ITPKB: variants seen among roughly 807,000 people sequenced by gnomAD.
The protein encoded by ITPKB is IP3 3-kinase B.
ITPKB carries 13 observed loss-of-function variants against 69.4 expected under a neutral mutation model. The ratio of observed to expected loss-of-function variants is 0.19; its 90% CI spans 0.12 to 0.30. ITPKB has a LOEUF of 0.30. Ranked by LOEUF, ITPKB falls within the 10% of genes least tolerant of loss-of-function variation. ITPKB has a pLI of 1.00. For synonymous variants in ITPKB, 584 were observed against 513.7 expected (o/e 1.14, Z -1.85); for missense variants, 1,240 against 1,250.5 (o/e 0.99, Z 0.13).
chr1:226,702,459 G>A (rs952322770), intron 2 of ITPKB, among the ~76,000 whole-genome samples: 1 of 151,910 alleles, frequency 6.6e-6, no homozygotes, highest in African/African-American at 2.4e-5. Context: ...TCATGGTGAG[G>A]TACAGAAAAA....
chr1:226,725,254 C>T (rs1428304218), intron 2 of ITPKB, among the ~76,000 whole-genome samples: 2 of 152,224 alleles, frequency 1.3e-5, no homozygotes, highest in African/African-American at 4.8e-5. Flanking sequence ...TTAAGCCGTT[C>T]TTCTCAGCAC....
intron 2 of ITPKB, among the ~76,000 whole-genome samples, chr1:226,666,969 A>AC (rs1194459069): frequency 2.0e-5 from 3 of 152,154 alleles, no homozygotes; most frequent in Non-Finnish European, 4.4e-5. Flanking sequence ...AACACACACC[A>AC]CACTGCTTCA....
chr1:226,658,737 C>T (rs565553139), intron 2 of ITPKB, among the ~76,000 whole-genome samples: 1 of 152,196 alleles, frequency 6.6e-6, no homozygotes. Context: ...TTCTTCTCCC[C>T]CGCCCTTTAT....
intron 2 of ITPKB, among the ~76,000 whole-genome samples, chr1:226,706,225 C>G (rs1656798804): frequency 6.6e-6 from 1 of 152,188 alleles, no homozygotes; most frequent in Admixed American, 6.5e-5. Context: ...AACGTGGTAC[C>G]ACAAGTTGAA....
At chr1:226,639,111 G>A (rs1398792427) in intron 6 of ITPKB, among the ~76,000 whole-genome samples, 1 of 145,350 alleles carries the variant, frequency 6.9e-6, no homozygotes, top group Non-Finnish European at 1.5e-5. Flanking sequence ...AGGCTGAAGT[G>A]CAATGGCAAA....
intron 2 of ITPKB, among the ~76,000 whole-genome samples, chr1:226,680,349 T>C (rs1656050590): frequency 6.6e-6 from 1 of 152,252 alleles, no homozygotes; most frequent in East Asian, 1.9e-4. Context: ...AGCTTAGAGA[T>C]CCTAAGTCCC....
At chr1:226,703,252 A>T (rs1447796462) in intron 2 of ITPKB, among the ~76,000 whole-genome samples, 1 of 152,108 alleles carries the variant, frequency 6.6e-6, no homozygotes, top group Non-Finnish European at 1.5e-5. Context: ...GAGTGCTAGC[A>T]CCCGGGGTGT....
Position 226,736,424 on chromosome 1 carries a change from C to T in ITPKB, c.1035G>A (p.Arg345=). ...DLQPPEALVE[R]QGQFLGSETS... ...TCTCACTGCCCAGAAACTGCCCCTG[C>T]CTCTCCACCAGGGCCTCTGGGGGCT... The change falls in exon 2 of 8, where the codon AGG becomes AGA. Residue 345 remains arginine, a synonymous_variant. Transcript: ENST00000429204. The T allele has an allele frequency of 1.9e-6, 3 of 1,613,054 alleles. No individual in the cohort carries two copies. Among genetic ancestry groups the T allele is most frequent in the Non-Finnish European group, 2.5e-6 (3 of 1,180,006 alleles).
At chr1:226,712,273 CCCCTT>C (rs1656980641) in intron 2 of ITPKB, among the ~76,000 whole-genome samples, 1 of 152,174 alleles carries the variant, frequency 6.6e-6, no homozygotes, top group African/African-American at 2.4e-5. Flanking sequence ...CAGCCCAGAC[CCCCTT>C]CCTGGGAACT....
At chr1:226,669,774 T>A (rs1669575210) in intron 2 of ITPKB, among the ~76,000 whole-genome samples, 1 of 151,970 alleles carries the variant, frequency 6.6e-6, no homozygotes, top group African/African-American at 2.4e-5. Context: ...TGCCAGTAGA[T>A]AACCTGGCAA....
chr1:226,723,513 C>T (rs1212863937), intron 2 of ITPKB, among the ~76,000 whole-genome samples: 3 of 152,122 alleles, frequency 2.0e-5, no homozygotes, highest in South Asian at 2.1e-4. Context: ...CAGAGACCTC[C>T]TTGGTAAGAA....
chr1:226,658,193 C>T (rs1669332654), intron 2 of ITPKB, among the ~76,000 whole-genome samples: 2 of 152,190 alleles, frequency 1.3e-5, no homozygotes, highest in South Asian at 4.1e-4. Context: ...TAGGGTTTCC[C>T]TAGTGATCAT....
intron 2 of ITPKB, among the ~76,000 whole-genome samples, chr1:226,721,696 T>C (rs1359606867): frequency 6.6e-6 from 1 of 152,056 alleles, no homozygotes; most frequent in Non-Finnish European, 1.5e-5. Context: ...GGTTTCACCA[T>C]GTTGGTCAGG....
intron 2 of ITPKB, among the ~76,000 whole-genome samples, chr1:226,701,248 C>T (rs1455210768): frequency 6.6e-6 from 1 of 152,188 alleles, no homozygotes; most frequent in East Asian, 1.9e-4. Flanking sequence ...AGTGACACCC[C>T]AACAGTAGAA....
intron 2 of ITPKB, among the ~76,000 whole-genome samples, chr1:226,660,032 A>G (rs3768377): frequency 0.23 from 35,280 of 152,032 alleles, 4,189 homozygotes; most frequent in Middle Eastern, 0.34. Context: ...TCTCCAAGTA[A>G]CAAGAGGGGG....
At chr1:226,708,039 A>G (rs1199282858) in intron 2 of ITPKB, 2 of 368,074 alleles carry the variant, frequency 5.4e-6, no homozygotes. Flanking sequence ...ATGATGTAGT[A>G]GCTCAAAGTT....
chr1:226,637,755 G>A lies in ITPKB; in HGVS notation c.2554-5C>T, dbSNP rs766186998. On this transcript the variant is annotated splice_polypyrimidine_tract_variant and splice_region_variant and intron_variant, in intron 6 of 7. Coordinates refer to ENST00000429204, the MANE Select transcript of ITPKB (RefSeq NM_002221.4). This position sits in a 1 kb window ranked among gnomAD's most constrained non-coding sequence, Gnocchi z 4.3. ...CAGCCGGTCCCGATAGGCGATCTGG[G>A]AATAGAAAGAGGACCAGATTTTTAA... 1 of 1,611,538 alleles carries A rather than the reference G, an allele frequency of 6.2e-7. No individual in the cohort carries two copies. The highest frequency in any genetic ancestry group is 1.1e-5 in the South Asian group (1 of 90,842).
chr1:226,736,414 ACTGCCC>A lies in ITPKB; in HGVS notation c.1039_1044del (p.Gly347_Gln348del). ...GCTGGGCTTGTCTCACTGCCCAGAA[ACTGCCC>A]CTGCCTCTCCACCAGGGCCTCTGGG... On this transcript the variant is annotated inframe_deletion, in exon 2 of 8. Coordinates refer to ENST00000429204, the MANE Select transcript of ITPKB (RefSeq NM_002221.4). 6.2e-7 allele frequency: 1 copy of A among 1,612,508 alleles called. No individual in the cohort carries two copies. Among genetic ancestry groups the A allele is most frequent in the Non-Finnish European group, 8.5e-7 (1 of 1,179,940 alleles).
Position 226,737,313 on chromosome 1 carries a change from C to T in ITPKB, c.146G>A (p.Ser49Asn). The change falls in exon 2 of 8, where the codon AGC (serine) becomes AAC (asparagine). Residue 49 changes from serine to asparagine, a missense_variant. Physicochemically the swap from Ser to Asn is conservative, Grantham distance 46. Around this residue, in one of 2 missense-constraint regions of ITPKB, gnomAD observed 992 missense variants for 853.8 expected, o/e 1.16. Coordinates refer to ENST00000429204, the MANE Select transcript of ITPKB (RefSeq NM_002221.4). The stretch of plus-strand genomic sequence containing the variant: ...GAGGAAAGAGGCGCCTCTCCCGGGG[C>T]TGAAAACGCTGCCGGGGCTCAGCAC... ...RAVLSPGSVF[S>N]PGRGASFLFP... 2 of 1,585,174 alleles carry T rather than the reference C, an allele frequency of 1.3e-6. No homozygotes were observed. Among genetic ancestry groups the T allele is most frequent in the Non-Finnish European group, 1.7e-6 (2 of 1,172,062 alleles).
Sources: gnomAD v4.1 joint callset for allele counts (sites outside exome capture counted in the v4.1 genomes callset) on GRCh38, gnomAD v4.1.1 for gene constraint, gnomAD v4.1.1 regional missense constraint, Gnocchi (gnomAD v3.1) non-coding constraint, MANE v1.5 for transcripts, NCBI Gene and HGNC (gene_info 2026-07-23, HGNC 2026-07-21) for gene names.